PDE1C: variants seen among roughly 807,000 people sequenced by gnomAD.
PDE1C encodes phosphodiesterase 1C, also known as dual specificity calcium/calmodulin-dependent 3',5'-cyclic nucleotide phosphodiesterase 1C.
A neutral mutation model predicts 93.1 loss-of-function variants in PDE1C; 62 were observed. The observed-to-expected ratio is 0.67, with a 90% CI of 0.54 to 0.82. The LOEUF is 0.82. Ranked by LOEUF, PDE1C falls within the 40% of genes least tolerant of loss-of-function variation. The pLI is 0.00. For missense variants in PDE1C, 742 were observed against 884.6 expected, an observed-to-expected ratio of 0.84 and a Z score of 2.04; for synonymous variants, 325 against 310.1, an observed-to-expected ratio of 1.05 and a Z score of -0.50.
At chr7:32,381,442 G>A (rs1163561868) in intron 1 of PDE1C, among the ~76,000 whole-genome samples, 2 of 151,850 alleles carry the variant, frequency 1.3e-5, no homozygotes, top group African/African-American at 2.4e-5. Flanking sequence ...TATCCTTATC[G>A]TGACTCATCC....
the PDE1C span, among the ~76,000 whole-genome samples, chr7:31,743,574 C>T: frequency 0.029 from 4,258 of 146,468 alleles, 196 homozygotes; most frequent in African/African-American, 0.1. Flanking sequence ...TGTGTGTGTG[C>T]GCACACACAC....
chr7:31,770,435 C>T (rs1452548160), intron 17 of PDE1C, among the ~76,000 whole-genome samples: 1 of 152,132 alleles, frequency 6.6e-6, no homozygotes, highest in Non-Finnish European at 1.5e-5. Flanking sequence ...TGGTTGTTTG[C>T]ACGTTGTTAT....
the PDE1C span, among the ~76,000 whole-genome samples, chr7:31,668,176 A>T: frequency 6.6e-6 from 1 of 152,162 alleles, no homozygotes; most frequent in Non-Finnish European, 1.5e-5. Context: ...AGATATTAAC[A>T]AGTATTGGTG....
intron 1 of PDE1C, among the ~76,000 whole-genome samples, chr7:32,274,269 A>G (rs1205371135): frequency 2.7e-5 from 4 of 150,058 alleles, no homozygotes; most frequent in African/African-American, 4.9e-5. Flanking sequence ...GTGCAGTGGC[A>G]TGATCACAGC....
At chr7:31,790,247 T>C (rs777289574) in intron 16 of PDE1C, 7 of 1,613,012 alleles carry the variant, frequency 4.3e-6, no homozygotes, top group Middle Eastern at 1.7e-4. Context: ...AGGTCTTTTT[T>C]ACTCTTGTGA....
intron 1 of PDE1C, among the ~76,000 whole-genome samples, chr7:32,059,102 T>C (rs1008671753): frequency 6.6e-6 from 1 of 152,212 alleles, no homozygotes; most frequent in African/African-American, 2.4e-5. Flanking sequence ...CATACTGTCA[T>C]TGAATTATCT....
chr7:31,916,908 T>A (rs143362790), intron 2 of PDE1C, among the ~76,000 whole-genome samples: 1 of 152,262 alleles, frequency 6.6e-6, no homozygotes, highest in East Asian at 1.9e-4. Flanking sequence ...GTCAATGAAG[T>A]GAAATGTATG....
chr7:32,162,220 G>T (rs2128798877), intron 3 of PDE1C, among the ~76,000 whole-genome samples: 1 of 152,274 alleles, frequency 6.6e-6, no homozygotes, highest in Non-Finnish European at 1.5e-5. Context: ...ATTGTGACTT[G>T]CCCCATGTTC....
At chr7:32,075,409 C>T (rs1796295099), upstream of PDE1C, among the ~76,000 whole-genome samples, 1 of 152,096 alleles carries the variant, frequency 6.6e-6, no homozygotes, top group Admixed American at 6.5e-5. Context: ...CCCGCCCACA[C>T]CAGATGTGAG....
the PDE1C span, among the ~76,000 whole-genome samples, chr7:31,716,811 G>T: frequency 6.6e-6 from 1 of 152,204 alleles, no homozygotes; most frequent in East Asian, 1.9e-4. Context: ...GAAGTAGAAG[G>T]TAATGGAACT....
the PDE1C span, among the ~76,000 whole-genome samples, chr7:31,681,219 G>A: frequency 1.3e-5 from 2 of 151,322 alleles, no homozygotes; most frequent in Non-Finnish European, 3.0e-5. Flanking sequence ...GAATGTGGCT[G>A]TACTTGGCCA....
At chr7:32,106,526 T>C (rs1282274582) in intron 3 of PDE1C, among the ~76,000 whole-genome samples, 1 of 152,072 alleles carries the variant, frequency 6.6e-6, no homozygotes, top group Non-Finnish European at 1.5e-5. Context: ...TTAAAAAAAC[T>C]ACTACCCTCC....
chr7:32,365,617 G>A lies in PDE1C; in HGVS notation c.310+62205C>T, dbSNP rs79854302. On this transcript the variant is annotated intron_variant, in intron 1 of 1. Coordinates refer to the PDE1C transcript ENST00000672256. ...GGGCCTGAGAAATAGCCCCATGGGC[G>A]GCTCCTGTGAGGCAAGCTCCCAGGC... 4.9e-3 allele frequency among the ~76,000 whole-genome samples: 743 copies of A among 152,078 alleles called. 9 individuals carry two copies. Among genetic ancestry groups the A allele is most frequent in the African/African-American group, 0.016 (681 of 41,486 alleles).
chr7:32,042,790 C>T (rs977729356), intron 2 of PDE1C, among the ~76,000 whole-genome samples: 1 of 152,168 alleles, frequency 6.6e-6, no homozygotes, highest in Non-Finnish European at 1.5e-5. Flanking sequence ...TTCAGTTAAA[C>T]AGCAGAGAGT....
the PDE1C span, chr7:31,658,370 C>T: frequency 6.6e-7 from 1 of 1,516,410 alleles, no homozygotes; most frequent in Non-Finnish European, 8.8e-7. Context: ...TTTCTGAAGA[C>T]ACAAGACTCT....
At chr7:32,109,461 T>C (rs11769695) in intron 3 of PDE1C, among the ~76,000 whole-genome samples, 30,921 of 152,136 alleles carry the variant, frequency 0.2, 3,581 homozygotes, top group South Asian at 0.26. Flanking sequence ...GCCTCAGCAC[T>C]ACTGATGTTT....
chr7:31,831,097 A>G (rs2128751804), intron 11 of PDE1C, among the ~76,000 whole-genome samples: 1 of 152,326 alleles, frequency 6.6e-6, no homozygotes, highest in African/African-American at 2.4e-5. Context: ...GAGTCTTTTC[A>G]GGTGAAATGA....
At chr7:32,232,589 C>T (rs1313976616) in intron 1 of PDE1C, among the ~76,000 whole-genome samples, 1 of 152,150 alleles carries the variant, frequency 6.6e-6, no homozygotes, top group Admixed American at 6.5e-5. Flanking sequence ...AAAGCAGAGC[C>T]TCAGGGACCC....
At chr7:32,294,750 C>A (rs191310663) in intron 1 of PDE1C, among the ~76,000 whole-genome samples, 1 of 152,204 alleles carries the variant, frequency 6.6e-6, no homozygotes, top group African/African-American at 2.4e-5. Flanking sequence ...ACTGCACCTA[C>A]GCATCCCAAT....
Sources: gnomAD v4.1 joint callset for allele counts (sites outside exome capture counted in the v4.1 genomes callset) on GRCh38, gnomAD v4.1.1 for gene constraint, MANE v1.5 for transcripts, NCBI Gene and HGNC (gene_info 2026-07-23, HGNC 2026-07-21) for gene names.